The following EXOC7 variants were observed in gnomAD, a reference collection of about 807,000 sequenced individuals.
EXOC7 encodes the protein exocyst complex component 7, also known as exocyst complex component Exo70.
A neutral mutation model predicts 87.6 loss-of-function variants in EXOC7; 51 were observed. The ratio of observed to expected loss-of-function variants is 0.58; its 90% CI spans 0.46 to 0.73. The LOEUF (loss-of-function observed/expected upper bound fraction) is 0.73, where lower values mean the gene tolerates loss of function less well. EXOC7 is among the 30% of genes least tolerant of loss of function. EXOC7 has a pLI of 0.00. For synonymous variants in EXOC7, 327 were observed against 357.1 expected, an observed-to-expected ratio of 0.92 and a Z score of 0.95; for missense variants, 744 against 888.4, an observed-to-expected ratio of 0.84 and a Z score of 2.07.
At chr17:76,091,394 G>A in intron 6 of EXOC7, 159 bp from the exon 7 acceptor site, 2 of 606,286 alleles carry the variant, frequency 3.3e-6, no homozygotes, top group South Asian at 4.0e-5. Context: ...GGACAAGGAT[G>A]AAGGAAAGGA....
At chr17:76,092,560 A>C (rs2067546672) in intron 6 of EXOC7, 1 of 152,218 alleles carries the variant, frequency 6.6e-6, no homozygotes, top group African/African-American at 2.4e-5. Context: ...GGCCTCCCGA[A>C]GTGCTAGGAT....
intron 6 of EXOC7, among the ~76,000 whole-genome samples, chr17:76,091,956 A>G (rs2067502976): frequency 1.3e-5 from 2 of 152,218 alleles, no homozygotes; most frequent in Admixed American, 1.3e-4. Flanking sequence ...GGAGAAAAAC[A>G]ATAGTTAGTA....
intron 12 of EXOC7, 105 bp downstream of exon 12, chr17:76,087,549 C>T (rs1458787659): frequency 3.4e-6 from 4 of 1,183,414 alleles, no homozygotes; most frequent in Non-Finnish European, 4.8e-6. Context: ...ACCTCAACCC[C>T]TCCACAGACT....
In EXOC7 at chr17:76,081,925, CAT is replaced by C; in HGVS notation, c.*1721_*1722del. The C allele has an allele frequency of 6.2e-7, 1 of 1,613,452 alleles. No homozygotes were observed. Among genetic ancestry groups the C allele is most frequent in the Non-Finnish European group, 8.5e-7 (1 of 1,179,862 alleles). ...TGCTGCTGCTGCTCTTCCTCAGCACCATAGAGACTGTGCTGCTGGCTGGGCTG... is the reference window on the plus strand; with the variant it reads ...TGCTGCTGCTGCTCTTCCTCAGCACCAGAGACTGTGCTGCTGGCTGGGCTG... On this transcript the variant is annotated 3_prime_UTR_variant, in exon 19 of 19. Transcript: ENST00000589210.
Position 76,082,640 on chromosome 17 carries a change from G to A in EXOC7, c.*1008C>T, listed in dbSNP as rs746472319. On this transcript the variant is annotated 3_prime_UTR_variant, in exon 19 of 19. Coordinates refer to ENST00000589210, the MANE Select transcript of EXOC7 (RefSeq NM_001013839.4). ...GGAGAGGCTGCACCCCATGGCAGGC[G>A]GCCTAGACTGTAAAGGGGCAGGGCC... 2.6e-5 allele frequency: 42 copies of A among 1,611,014 alleles called. No individual in the cohort carries two copies. Among genetic ancestry groups the A allele is most frequent in the Non-Finnish European group, 3.1e-5 (36 of 1,178,998 alleles).
intron 12 of EXOC7, chr17:76,086,900 G>A (rs781498078): frequency 3.9e-6 from 6 of 1,551,156 alleles, no homozygotes; most frequent in Non-Finnish European, 5.2e-6. Context: ...GAACTACGGA[G>A]TGAAAGGCAG....
chr17:76,089,367 A>G (rs764946840), intron 7 of EXOC7, 47 bp from the exon 8 acceptor site: 1 of 1,601,986 alleles, frequency 6.2e-7, no homozygotes, highest in Non-Finnish European at 8.5e-7. Context: ...GGCCAGCCAC[A>G]CTCCTGGCTG....
chr17:76,103,274 G>C, intron 2 of EXOC7, 87 bp downstream of exon 2: 1 of 1,277,420 alleles, frequency 7.8e-7, no homozygotes, highest in Non-Finnish European at 1.1e-6. Context: ...CAGAACTCCA[G>C]GCCGCAGGAA....
chr17:76,089,931 G>A (rs1250258371), intron 7 of EXOC7: 1 of 191,892 alleles, frequency 5.2e-6, no homozygotes, highest in Non-Finnish European at 1.1e-5. Flanking sequence ...TATTACTGGA[G>A]GCCACGGCGG....
At chr17:76,089,079 C>A (rs928041606) in intron 8 of EXOC7, 96 bp downstream of exon 8, 4 of 1,566,582 alleles carry the variant, frequency 2.6e-6, no homozygotes, top group Middle Eastern at 2.0e-4. Context: ...CCCCAGGGCA[C>A]GAGGTGGTGG....
In EXOC7 at chr17:76,089,534, T is replaced by C. The variant is rs1012546832; in HGVS notation, c.902-214A>G. 8.3e-6 allele frequency: 5 copies of C among 600,188 alleles called. No homozygotes were observed. The African/African-American group carries it at 9.3e-5, about 11-fold the overall frequency. The allele number at this position is 600,188 out of a possible 1,614,324, so 37.2% of individuals were successfully genotyped here. A position where few individuals can be genotyped will look rare whatever the true frequency, so the allele number is the denominator to read the frequency against. ...GCTGAGCCCAGCCTTTGTTCTGGCT[T>C]CATTCTCGGCTCTGCGCAGACAGTG... is the stretch of plus-strand genomic sequence containing the variant. On this transcript the variant is annotated intron_variant, in intron 7 of 18. Coordinates refer to ENST00000589210, the MANE Select transcript of EXOC7 (RefSeq NM_001013839.4).
At chr17:76,090,875 T>C in intron 7 of EXOC7, 1 of 536,680 alleles carries the variant, frequency 1.9e-6, no homozygotes. Context: ...TTTTTCTGAG[T>C]TCACACAGGA....
intron 4 of EXOC7, among the ~76,000 whole-genome samples, chr17:76,099,305 A>G (rs1474995446): frequency 6.6e-6 from 1 of 152,202 alleles, no homozygotes; most frequent in Non-Finnish European, 1.5e-5. Context: ...CAGGAGTTCA[A>G]GACCAGCCTG....
At chr17:76,096,008 T>C (rs1013809326) in intron 5 of EXOC7, among the ~76,000 whole-genome samples, 2 of 152,308 alleles carry the variant, frequency 1.3e-5, no homozygotes, top group Middle Eastern at 3.4e-3. Context: ...CTGAGAGGTC[T>C]GGAGGCTGTC....
intron 10 of EXOC7, 154 bp downstream of exon 10, chr17:76,088,310 G>A: frequency 1.1e-6 from 1 of 944,622 alleles, no homozygotes; most frequent in Non-Finnish European, 1.6e-6. Context: ...CCCCAGGAAG[G>A]AAAGGAAGGC....
chr17:76,085,613 C>G (rs1236176331), intron 14 of EXOC7, 64 bp downstream of exon 14: 2 of 1,612,316 alleles, frequency 1.2e-6, no homozygotes, highest in Non-Finnish European at 8.5e-7. Flanking sequence ...GGGGCAGGGG[C>G]TGGCACAGCT....
At chr17:76,085,513 C>T in intron 14 of EXOC7, 104 bp from the exon 15 acceptor site, 1 of 1,505,834 alleles carries the variant, frequency 6.6e-7, no homozygotes. Context: ...CCAAACTCCA[C>T]AAGCTCTATG....
At position 76,103,377 on chromosome 17, in the gene EXOC7, T is replaced by A; in HGVS notation, c.110A>T (p.Gln37Leu). ...FIRDSLEKSDQLTKNMVSILS... is the reference protein window; with the variant it reads ...FIRDSLEKSDLLTKNMVSILS... ...GAGACTCACCATGTTCTTAGTGAGC[T>A]GGTCGCTCTTCTCCAGGCTGTCTCG... Residue 37 changes from glutamine (Q) to leucine (L), a missense_variant, in exon 2 of 19, where the codon CAG becomes CTG. Physicochemically the swap from Gln to Leu is moderately radical, Grantham distance 113. Transcript: ENST00000589210. 1 of 1,605,018 alleles carries A rather than the reference T, an allele frequency of 6.2e-7. No homozygotes were observed. Among genetic ancestry groups the A allele is most frequent in the Non-Finnish European group, 8.5e-7 (1 of 1,175,772 alleles).
chr17:76,081,874 TCCC>T lies in EXOC7; in HGVS notation c.*1771_*1773del. 4 of 1,608,040 alleles carry T rather than the reference TCCC, an allele frequency of 2.5e-6. No individual in the cohort carries two copies. The highest frequency in any genetic ancestry group is 3.4e-6 in the Non-Finnish European group (4 of 1,175,964). On this transcript the variant is annotated 3_prime_UTR_variant, in exon 19 of 19. Transcript: ENST00000589210. ...CCTGAGCATCTCCCTGTGCCCTGCC[TCCC>T]CCAGTTTACTACTTCACCATCCTGC...
Sources: gnomAD v4.1 joint callset for allele counts (sites outside exome capture counted in the v4.1 genomes callset) on GRCh38, gnomAD v4.1.1 for gene constraint, MANE v1.5 for transcripts, NCBI Gene and HGNC (gene_info 2026-07-23, HGNC 2026-07-21) for gene names.